Variants in EIF4G3 observed in about 807,000 individuals in gnomAD.
EIF4G3 encodes eukaryotic translation initiation factor 4 gamma 3.
A neutral mutation model predicts 186.4 loss-of-function variants in EIF4G3; 34 were observed. That is an observed-to-expected ratio of 0.18 (90% CI 0.14 to 0.24). The LOEUF (loss-of-function observed/expected upper bound fraction) is 0.24. Ranked by LOEUF, EIF4G3 falls within the 10% of genes least tolerant of loss-of-function variation. The probability of loss-of-function intolerance (pLI) is 1.00; values close to 1 mark genes in which losing one functional copy is unlikely to be tolerated. For synonymous variants in EIF4G3, 673 were observed against 679.5 expected (o/e 0.99, Z 0.15); for missense variants, 1,536 against 1,948.5 (o/e 0.79, Z 3.99).
rs900784164 is a variant in EIF4G3 at position 20,899,877 on chromosome 1, C to T, written c.1819G>A (p.Gly607Arg). ...LESEQDKMSQ[G>R]FHPERDPSDL... ...GAGGGGTCTCTTTCAGGATGAAACCCCTGGCTCATTTTATCTTGTTCAGAT... is the reference window on the plus strand; with the variant it reads ...GAGGGGTCTCTTTCAGGATGAAACCTCTGGCTCATTTTATCTTGTTCAGAT... Residue 607 changes from glycine (G) to arginine (R), a missense_variant, in exon 16 of 37, where the codon GGG (glycine) becomes AGG (arginine). Around this residue, in one of 11 missense-constraint regions of EIF4G3, gnomAD observed 560 missense variants for 547.8 expected, o/e 1.02. Transcript: ENST00000602326. 9 of 1,614,008 alleles carry T rather than the reference C, an allele frequency of 5.6e-6. No homozygotes were observed. The highest frequency in any genetic ancestry group is 6.8e-6 in the Non-Finnish European group (8 of 1,179,978).
chr1:21,165,710 G>T (rs1385498940), intron 2 of EIF4G3, among the ~76,000 whole-genome samples: 2 of 152,106 alleles, frequency 1.3e-5, no homozygotes, highest in African/African-American at 4.8e-5. Context: ...GAGTCAAACA[G>T]GTTCCTTTGG....
At chr1:20,916,163 C>T (rs767530347) in intron 14 of EIF4G3, among the ~76,000 whole-genome samples, 2 of 152,074 alleles carry the variant, frequency 1.3e-5, no homozygotes, top group Non-Finnish European at 2.9e-5. Flanking sequence ...AAACTCCAAA[C>T]CATTATTTAG....
intron 12 of EIF4G3, among the ~76,000 whole-genome samples, chr1:20,964,211 G>A (rs142525035): frequency 5.6e-4 from 85 of 152,140 alleles, no homozygotes; most frequent in African/African-American, 2.0e-3. Context: ...AGATTATTTC[G>A]TACAATTCCT....
chr1:21,068,375 TAAAAAAAAAAA>T (rs869306512), intron 3 of EIF4G3, among the ~76,000 whole-genome samples: 38 of 67,826 alleles, frequency 5.6e-4, no homozygotes, highest in Admixed American at 4.5e-3. Flanking sequence ...ACTCTGTCTT[TAAAAAAAAAAA>T]AAAAAAAAAA....
intron 4 of EIF4G3, among the ~76,000 whole-genome samples, chr1:21,030,888 G>C (rs2092680631): frequency 6.6e-6 from 1 of 152,022 alleles, no homozygotes. Flanking sequence ...GCAAAGAATG[G>C]GAAGAAAAAA....
At chr1:20,832,198 T>C (rs1314050727) in intron 30 of EIF4G3, among the ~76,000 whole-genome samples, 3 of 144,332 alleles carry the variant, frequency 2.1e-5, no homozygotes, top group Non-Finnish European at 4.6e-5. Flanking sequence ...ACTTCCACAA[T>C]GGTTGAACTA....
chr1:21,088,579 A>G (rs1232627307), intron 3 of EIF4G3, among the ~76,000 whole-genome samples: 3 of 152,158 alleles, frequency 2.0e-5, no homozygotes, highest in Non-Finnish European at 4.4e-5. Flanking sequence ...ATAAAACTCA[A>G]GAGTCCAAAA....
chr1:21,035,340 C>T (rs1051038239), intron 4 of EIF4G3, among the ~76,000 whole-genome samples: 3 of 152,200 alleles, frequency 2.0e-5, no homozygotes, highest in African/African-American at 7.2e-5. Context: ...AGGAGTCCCA[C>T]CCCTCCTGAG....
At chr1:20,986,402 T>C (rs2079470599) in intron 7 of EIF4G3, among the ~76,000 whole-genome samples, 1 of 152,202 alleles carries the variant, frequency 6.6e-6, no homozygotes, top group African/African-American at 2.4e-5. Flanking sequence ...CTTCAGTGTG[T>C]ACTCTTACAA....
intron 3 of EIF4G3, among the ~76,000 whole-genome samples, chr1:21,059,257 T>G (rs939589774): frequency 6.6e-5 from 10 of 152,146 alleles, no homozygotes; most frequent in Admixed American, 5.2e-4. Context: ...CAATTCTGGG[T>G]AGTTTTGAAA....
intron 2 of EIF4G3, among the ~76,000 whole-genome samples, chr1:21,166,123 C>CTTTTTTTTTTTTTTTTTTT (rs1573668577): frequency 1.1e-4 from 12 of 105,520 alleles, no homozygotes; most frequent in South Asian, 3.0e-4. Flanking sequence ...CTTTTTTTTC[C>CTTTTTTTTTTTTTTTTTTT]TTTTAAAAAT....
intron 25 of EIF4G3, 82 bp downstream of exon 25, chr1:20,857,321 G>A (rs1056239148): frequency 2.0e-5 from 23 of 1,160,958 alleles, no homozygotes; most frequent in Non-Finnish European, 7.7e-6. Flanking sequence ...TGCAACTATT[G>A]TAAATTGTGT....
At chr1:20,906,461 A>G (rs1332129501) in intron 14 of EIF4G3, among the ~76,000 whole-genome samples, 1 of 152,168 alleles carries the variant, frequency 6.6e-6, no homozygotes, top group African/African-American at 2.4e-5. Context: ...TTAGCTCTAA[A>G]TCTCATTCAT....
rs143099574 is a variant in EIF4G3 at position 20,944,418 on chromosome 1, G to C, written c.824-2088C>G. Reference sequence around the variant, plus strand: ...TAGACCCAGCTACTCGGGAGGCCAAGATGGAAGGATCGTTTGAGCCCAGGA... The same window carrying C: ...TAGACCCAGCTACTCGGGAGGCCAACATGGAAGGATCGTTTGAGCCCAGGA... On this transcript the variant is annotated intron_variant, in intron 13 of 36. Coordinates refer to ENST00000602326, the MANE Select transcript of EIF4G3 (RefSeq NM_001391906.1). Among the ~76,000 whole-genome samples the C allele has an allele frequency of 5.2e-3, 787 of 152,122 alleles. 7 individuals are homozygous for C. Among genetic ancestry groups the C allele is most frequent in the African/African-American group, 0.018 (755 of 41,496 alleles).
chr1:20,883,551 A>T (rs1361701200), intron 19 of EIF4G3, among the ~76,000 whole-genome samples: 1 of 152,084 alleles, frequency 6.6e-6, no homozygotes, highest in African/African-American at 2.4e-5. Context: ...TGGGAGGCGG[A>T]GGCTGCAGTG....
At chr1:21,129,866 A>G in intron 2 of EIF4G3, among the ~76,000 whole-genome samples, 1 of 152,064 alleles carries the variant, frequency 6.6e-6, no homozygotes, top group East Asian at 1.9e-4. Flanking sequence ...AATATAAGAC[A>G]AACTGGCTGC....
intron 19 of EIF4G3, among the ~76,000 whole-genome samples, chr1:20,883,224 C>T (rs139986760): frequency 9.2e-5 from 14 of 151,908 alleles, no homozygotes; most frequent in African/African-American, 2.9e-4. Context: ...CATTTAAAAA[C>T]GAAGTGATAA....
chr1:20,894,786 TA>T (rs1275136336), intron 17 of EIF4G3, among the ~76,000 whole-genome samples: 4 of 152,240 alleles, frequency 2.6e-5, no homozygotes, highest in Non-Finnish European at 5.9e-5. Context: ...TTACTCCTTT[TA>T]ATTTAGTAAA....
rs542108090 is a variant in EIF4G3 at position 20,879,350 on chromosome 1, G to A, written c.2595C>T (p.Tyr865=). ...TTACTAGACATCGACACATGTTTGC[G>A]TAAGCCACAGAGAAACTGGGTTCAT... The part of the protein sequence containing the change: ...AIDEPSFSVA[Y]ANMCRCLVTL... The change falls in exon 20 of 37, where the codon TAC becomes TAT. Residue 865 remains tyrosine (Y), a synonymous_variant. Transcript: ENST00000602326. The A allele has an allele frequency of 1.1e-5, 18 of 1,599,662 alleles. No homozygotes were observed. Among genetic ancestry groups the A allele is most frequent in the Admixed American group, 1.7e-5 (1 of 57,922 alleles).
Sources: gnomAD v4.1 joint callset for allele counts (sites outside exome capture counted in the v4.1 genomes callset) on GRCh38, gnomAD v4.1.1 for gene constraint, gnomAD v4.1.1 regional missense constraint, MANE v1.5 for transcripts, NCBI Gene and HGNC (gene_info 2026-07-23, HGNC 2026-07-21) for gene names.